NOL10: variants seen among roughly 807,000 people sequenced by gnomAD.
NOL10 encodes H_NH0074G24.1.
Under a neutral mutation model 103.5 loss-of-function variants are expected in NOL10, and 58 were observed. The ratio of observed to expected loss-of-function variants is 0.56; its 90% CI spans 0.45 to 0.70. The LOEUF (loss-of-function observed/expected upper bound fraction) is 0.70. Ranked by LOEUF, NOL10 falls within the 30% of genes least tolerant of loss-of-function variation. The pLI is 0.00. For synonymous variants in NOL10, 287 were observed against 282.5 expected, an observed-to-expected ratio of 1.02 and a Z score of -0.16; for missense variants, 763 against 807.3, an observed-to-expected ratio of 0.95 and a Z score of 0.67.
chr2:10,650,612 G>C (rs116938969), intron 12 of NOL10, among the ~76,000 whole-genome samples: 1 of 152,146 alleles, frequency 6.6e-6, no homozygotes, highest in East Asian at 1.9e-4. Flanking sequence ...GGCCAGGGGA[G>C]AGCCGGCGTG....
intron 13 of NOL10, among the ~76,000 whole-genome samples, chr2:10,615,085 T>C (rs918388599): frequency 7.2e-5 from 11 of 152,258 alleles, no homozygotes; most frequent in Non-Finnish European, 1.3e-4. Context: ...ACCTTAAGCA[T>C]GTAATTGCAT....
At chr2:10,622,164 A>G (rs1320136071) in intron 13 of NOL10, 1 of 319,992 alleles carries the variant, frequency 3.1e-6, no homozygotes, top group Admixed American at 3.7e-5. Flanking sequence ...GAAAATGTAG[A>G]TGGTAAACAG....
intron 13 of NOL10, among the ~76,000 whole-genome samples, chr2:10,611,584 T>C (rs9679122): frequency 0.59 from 90,002 of 152,046 alleles, 27,645 homozygotes; most frequent in African/African-American, 0.74. Flanking sequence ...GAGTTCAAGG[T>C]AGCCTGGGCA....
At chr2:10,635,158 C>T (rs1266365053) in intron 13 of NOL10, among the ~76,000 whole-genome samples, 1 of 152,086 alleles carries the variant, frequency 6.6e-6, no homozygotes, top group East Asian at 1.9e-4. Context: ...AATTTTATAC[C>T]TTTAAACATT....
chr2:10,587,752 TG>T (rs888497017), intron 19 of NOL10, among the ~76,000 whole-genome samples: 10 of 152,172 alleles, frequency 6.6e-5, no homozygotes, highest in African/African-American at 2.2e-4. Context: ...TGCAGATATT[TG>T]CTAGAAGCTG....
At chr2:10,620,799 G>A (rs1449792686) in intron 13 of NOL10, among the ~76,000 whole-genome samples, 1 of 152,090 alleles carries the variant, frequency 6.6e-6, no homozygotes, top group African/African-American at 2.4e-5. Context: ...GATTTTTGTT[G>A]TTGTTGTTGT....
In NOL10 at chr2:10,607,285, A is replaced by G. The variant is rs749384036; in HGVS notation, c.1053T>C (p.Cys351=). ...CTTCGGTCAAGTTGTCTAAGAAGGA[A>G]CACCACCGAGGAGCAGGACCCAAAA... ...IPVLGPAPRW[C]SFLDNLTEEL... Residue 351 remains cysteine, a synonymous_variant, in exon 14 of 21, where the codon TGT becomes TGC. Transcript: ENST00000381685. 2 of 1,608,480 alleles carry G rather than the reference A, an allele frequency of 1.2e-6. No homozygotes were observed. The highest frequency in any genetic ancestry group is 1.7e-6 in the Non-Finnish European group (2 of 1,177,206).
intron 13 of NOL10, among the ~76,000 whole-genome samples, chr2:10,623,156 G>T (rs1677245141): frequency 6.6e-6 from 1 of 152,038 alleles, no homozygotes; most frequent in Non-Finnish European, 1.5e-5. Context: ...ACACCTATCT[G>T]ATTTCAGTCC....
intron 4 of NOL10, among the ~76,000 whole-genome samples, chr2:10,675,258 G>A (rs1681224328): frequency 6.6e-6 from 1 of 151,988 alleles, no homozygotes; most frequent in African/African-American, 2.4e-5. Flanking sequence ...AGGATCTGAT[G>A]AGCTGTTGCT....
At chr2:10,669,676 G>A (rs1453682926) in intron 6 of NOL10, among the ~76,000 whole-genome samples, 1 of 150,630 alleles carries the variant, frequency 6.6e-6, no homozygotes, top group Non-Finnish European at 1.5e-5. Context: ...GGCGGATCAC[G>A]AGGTCAAGAG....
chr2:10,639,870 A>T (rs916631611), intron 13 of NOL10, among the ~76,000 whole-genome samples: 3 of 152,170 alleles, frequency 2.0e-5, no homozygotes, highest in African/African-American at 7.2e-5. Flanking sequence ...AAAAATAAGG[A>T]AAGAACTGAG....
intron 19 of NOL10, among the ~76,000 whole-genome samples, chr2:10,585,738 C>T (rs1255057330): frequency 2.0e-5 from 3 of 152,066 alleles, no homozygotes; most frequent in African/African-American, 4.8e-5. Context: ...CTGTGCACAC[C>T]CTCTCCTATA....
At chr2:10,617,332 C>G (rs187991053) in intron 13 of NOL10, among the ~76,000 whole-genome samples, 3 of 152,312 alleles carry the variant, frequency 2.0e-5, no homozygotes, top group African/African-American at 7.2e-5. Context: ...ATGAGGATCA[C>G]TCTGGCAGAG....
intron 16 of NOL10, among the ~76,000 whole-genome samples, chr2:10,601,533 A>G (rs893004812): frequency 2.0e-5 from 3 of 151,494 alleles, no homozygotes; most frequent in African/African-American, 7.3e-5. Context: ...GTGCACTGAG[A>G]GGCAGCGCAA....
intron 5 of NOL10, among the ~76,000 whole-genome samples, chr2:10,671,909 A>C (rs1321598134): frequency 1.3e-5 from 2 of 152,160 alleles, no homozygotes; most frequent in East Asian, 3.8e-4. Flanking sequence ...TTTTCTGCAA[A>C]CCTTACATAC....
intron 17 of NOL10, among the ~76,000 whole-genome samples, chr2:10,590,482 G>A (rs776611997): frequency 6.6e-6 from 1 of 152,200 alleles, no homozygotes; most frequent in African/African-American, 2.4e-5. Flanking sequence ...AAAACTGGGA[G>A]AGGAGGTATA....
intron 19 of NOL10, among the ~76,000 whole-genome samples, chr2:10,584,954 G>A (rs1674945694): frequency 6.6e-6 from 1 of 152,176 alleles, no homozygotes; most frequent in South Asian, 2.1e-4. Flanking sequence ...ATGTTAGAGA[G>A]ATTAGTCAGA....
chr2:10,643,788 T>C (rs1168673610), intron 13 of NOL10, among the ~76,000 whole-genome samples: 1 of 152,180 alleles, frequency 6.6e-6, no homozygotes, highest in Non-Finnish European at 1.5e-5. Context: ...GAAGAATAAA[T>C]ACTAATTTAT....
Position 10,593,208 on chromosome 2 carries a change from G to A in NOL10, c.1423-3457C>T, listed in dbSNP as rs528966829. ...GGCTGGAGTGCAGTGGTGTGATCTC[G>A]GCTCACTGCAACCTCTGCCTCCCGG... On this transcript the variant is annotated intron_variant, in intron 17 of 20. Coordinates refer to ENST00000381685, the MANE Select transcript of NOL10 (RefSeq NM_024894.4). Among the ~76,000 whole-genome samples, 38 of 150,384 alleles carry A rather than the reference G, an allele frequency of 2.5e-4. 1 individual carries two copies. The highest frequency in any genetic ancestry group is 1.9e-3 in the Admixed American group (29 of 15,050).
Sources: gnomAD v4.1 joint callset for allele counts (sites outside exome capture counted in the v4.1 genomes callset) on GRCh38, gnomAD v4.1.1 for gene constraint, MANE v1.5 for transcripts, NCBI Gene and HGNC (gene_info 2026-07-23, HGNC 2026-07-21) for gene names.